COL25A1: variants seen among roughly 807,000 people sequenced by gnomAD.
The protein encoded by COL25A1 is collagen alpha-1(XXV) chain.
In COL25A1, 103 loss-of-function variants were observed where a neutral mutation model predicts 128.4. The ratio of observed to expected loss-of-function variants is 0.80; its 90% confidence interval spans 0.68 to 0.94. The LOEUF is 0.94. Ranked by LOEUF, COL25A1 falls within the 40% of genes least tolerant of loss-of-function variation. COL25A1 has a pLI of 0.00. For missense variants in COL25A1, 745 were observed against 840.0 expected (o/e 0.89, Z 1.40); for synonymous variants, 279 against 277.2 (o/e 1.01, Z -0.06).
chr4:108,992,357 G>C (rs1180546053), intron 6 of COL25A1, among the ~76,000 whole-genome samples: 3 of 152,118 alleles, frequency 2.0e-5, no homozygotes, highest in Non-Finnish European at 4.4e-5. Context: ...GGGGTTATTT[G>C]GGCCAAAGTC....
At chr4:109,139,443 G>C (rs897971322) in intron 3 of COL25A1, among the ~76,000 whole-genome samples, 4 of 152,082 alleles carry the variant, frequency 2.6e-5, no homozygotes, top group Non-Finnish European at 1.5e-5. Flanking sequence ...TTTTCTTCAA[G>C]GGTTTTTATG....
chr4:108,980,791 TAAA>T (rs1385703733), intron 6 of COL25A1, among the ~76,000 whole-genome samples: 1 of 152,232 alleles, frequency 6.6e-6, no homozygotes, highest in East Asian at 1.9e-4. Context: ...CTTTTAAAGA[TAAA>T]GAAGATAGTC....
chr4:109,221,378 T>C (rs1204688418), intron 3 of COL25A1, among the ~76,000 whole-genome samples: 1 of 152,164 alleles, frequency 6.6e-6, no homozygotes, highest in Non-Finnish European at 1.5e-5. Context: ...TAAGCTGCAC[T>C]TTAAAAATCT....
intron 31 of COL25A1, 64 bp downstream of exon 31, chr4:108,841,631 G>A: frequency 1.5e-6 from 2 of 1,321,040 alleles, no homozygotes; most frequent in Non-Finnish European, 2.2e-6. Context: ...ACATGCTTCT[G>A]TCATGCTTCT....
chr4:108,928,465 G>A (rs182737720), intron 11 of COL25A1, among the ~76,000 whole-genome samples: 156 of 152,178 alleles, frequency 1.0e-3, no homozygotes, highest in Non-Finnish European at 1.6e-3. Flanking sequence ...CACCTGAAAT[G>A]TGGCCAGTAC....
intron 3 of COL25A1, among the ~76,000 whole-genome samples, chr4:109,199,319 T>C (rs1170070621): frequency 6.7e-6 from 1 of 149,728 alleles, no homozygotes; most frequent in Non-Finnish European, 1.5e-5. Flanking sequence ...TCTTTTGTTT[T>C]TCTTTTTCTA....
At chr4:108,989,660 T>C (rs1191760961) in intron 6 of COL25A1, among the ~76,000 whole-genome samples, 2 of 152,290 alleles carry the variant, frequency 1.3e-5, no homozygotes, top group South Asian at 2.1e-4. Flanking sequence ...TAGGCTAACA[T>C]TAACTTGGTG....
At chr4:108,947,390 C>T (rs186357426) in intron 8 of COL25A1, among the ~76,000 whole-genome samples, 4 of 149,800 alleles carry the variant, frequency 2.7e-5, no homozygotes, top group East Asian at 2.0e-4. Flanking sequence ...TGCAGTGAGC[C>T]GAAATAGTGC....
At chr4:109,088,186 G>A (rs1764577242) in intron 3 of COL25A1, among the ~76,000 whole-genome samples, 1 of 152,040 alleles carries the variant, frequency 6.6e-6, no homozygotes, top group African/African-American at 2.4e-5. Flanking sequence ...TAGCACTTGA[G>A]AAAGTTGATA....
intron 32 of COL25A1, 75 bp downstream of exon 32, chr4:108,832,305 C>A: frequency 2.0e-6 from 2 of 1,009,402 alleles, no homozygotes; most frequent in Non-Finnish European, 1.5e-6. Flanking sequence ...GAAAAATGAA[C>A]AGTTAAATTA....
chr4:108,966,523 T>G (rs957660639), intron 8 of COL25A1, among the ~76,000 whole-genome samples: 1 of 152,074 alleles, frequency 6.6e-6, no homozygotes, highest in Non-Finnish European at 1.5e-5. Context: ...TTAATCTGCT[T>G]GAGTTCAATC....
At chr4:109,034,605 T>C (rs1281701954) in intron 5 of COL25A1, among the ~76,000 whole-genome samples, 2 of 152,182 alleles carry the variant, frequency 1.3e-5, no homozygotes, top group African/African-American at 4.8e-5. Flanking sequence ...CTCTAAGTTT[T>C]CTATTAACTC....
At chr4:109,026,160 G>A (rs3096510) in intron 5 of COL25A1, among the ~76,000 whole-genome samples, 76,878 of 150,602 alleles carry the variant, frequency 0.51, 22,347 homozygotes, top group African/African-American at 0.78. Context: ...TAGTTCGCGG[G>A]TTCTCTAGGA....
At chr4:108,909,854 T>G (rs1412633934) in intron 13 of COL25A1, among the ~76,000 whole-genome samples, 1 of 152,158 alleles carries the variant, frequency 6.6e-6, no homozygotes, top group Admixed American at 6.5e-5. Context: ...CCTCTTTGTC[T>G]CTCCAGCCCT....
At chr4:109,020,504 T>C (rs1438804474) in intron 5 of COL25A1, among the ~76,000 whole-genome samples, 4 of 9,174 alleles carry the variant, frequency 4.4e-4, no homozygotes, top group African/African-American at 7.4e-4. Flanking sequence ...TGGAGATTAT[T>C]ATGGGGGGGG....
intron 27 of COL25A1, 88 bp from the exon 28 acceptor site, chr4:108,846,307 C>T (rs894987378): frequency 1.7e-4 from 142 of 846,306 alleles, no homozygotes; most frequent in Non-Finnish European, 2.6e-4. Flanking sequence ...CGATCAATTT[C>T]GTTAATAGGT....
intron 13 of COL25A1, among the ~76,000 whole-genome samples, chr4:108,909,122 CT>C (rs1743904779): frequency 6.6e-6 from 1 of 152,110 alleles, no homozygotes; most frequent in South Asian, 2.1e-4. Context: ...AACAGTTTAG[CT>C]TTTGGGAAGG....
At chr4:109,281,704 T>A (rs868231182) in intron 3 of COL25A1, among the ~76,000 whole-genome samples, 8 of 152,140 alleles carry the variant, frequency 5.3e-5, no homozygotes, top group African/African-American at 1.7e-4. Flanking sequence ...TCAATAGCAT[T>A]CAATAACAGA....
intron 3 of COL25A1, among the ~76,000 whole-genome samples, chr4:109,073,168 G>C (rs1425292013): frequency 6.6e-6 from 1 of 152,122 alleles, no homozygotes; most frequent in Non-Finnish European, 1.5e-5. Flanking sequence ...GCATGTGCAT[G>C]GGTGTTTGGT....
Sources: allele counts gnomAD v4.1 joint callset (sites outside exome capture counted in the v4.1 genomes callset), GRCh38; gene constraint gnomAD v4.1.1; transcripts MANE v1.5; gene names NCBI Gene and HGNC (gene_info 2026-07-23, HGNC 2026-07-21).